The following PTPN13 variants were observed in gnomAD, a reference collection of about 807,000 sequenced individuals.
PTPN13 encodes the protein protein tyrosine phosphatase non-receptor type 13, also known as tyrosine-protein phosphatase non-receptor type 13.
In PTPN13, 191 loss-of-function variants were observed where a neutral mutation model predicts 284.0. The ratio of observed to expected loss-of-function variants is 0.67; its 90% confidence interval spans 0.60 to 0.76. PTPN13 has a LOEUF of 0.76. PTPN13 is among the 30% of genes least tolerant of loss of function. The pLI, the probability that PTPN13 is intolerant of heterozygous loss-of-function variation, is 0.00. For synonymous variants in PTPN13, 986 were observed against 1,022.3 expected, an observed-to-expected ratio of 0.96 and a Z score of 0.68; for missense variants, 2,797 against 2,939.9, an observed-to-expected ratio of 0.95 and a Z score of 1.12.
chr4:86,721,556 A>G (rs1172866151), intron 9 of PTPN13, among the ~76,000 whole-genome samples: 1 of 152,090 alleles, frequency 6.6e-6, no homozygotes, highest in Non-Finnish European at 1.5e-5. Flanking sequence ...TCTGTTTTAT[A>G]TAGGTAGTAT....
At chr4:86,805,465 C>A (rs1381997599) in intron 44 of PTPN13, 96 bp downstream of exon 44, 3 of 569,768 alleles carry the variant, frequency 5.3e-6, no homozygotes, top group Admixed American at 3.7e-5. Flanking sequence ...CTCACATAAC[C>A]GTGTGCATGT....
At chr4:86,614,815 A>G (rs899750694) in intron 1 of PTPN13, among the ~76,000 whole-genome samples, 3 of 152,154 alleles carry the variant, frequency 2.0e-5, no homozygotes, top group Admixed American at 6.5e-5. Context: ...TTTAGGTTTA[A>G]GAAAGCTGAA....
At chr4:86,706,380 C>T (rs1157170229) in intron 7 of PTPN13, among the ~76,000 whole-genome samples, 1 of 152,006 alleles carries the variant, frequency 6.6e-6, no homozygotes, top group Non-Finnish European at 1.5e-5. Flanking sequence ...CTTCCAAGTC[C>T]CTTAAGTCTC....
chr4:86,701,926 A>G (rs1684411395), intron 7 of PTPN13, 125 bp downstream of exon 7: 3 of 882,624 alleles, frequency 3.4e-6, no homozygotes, highest in Non-Finnish European at 5.0e-6. Context: ...TACCCTGGTT[A>G]GTCTCTTACT....
intron 20 of PTPN13, among the ~76,000 whole-genome samples, chr4:86,756,109 A>T (rs1399043441): frequency 6.6e-6 from 1 of 151,874 alleles, no homozygotes; most frequent in Non-Finnish European, 1.5e-5. Flanking sequence ...TGGGTTATTA[A>T]ATCTGAAACT....
intron 43 of PTPN13, among the ~76,000 whole-genome samples, chr4:86,804,086 T>G (rs1744381388): frequency 6.6e-6 from 1 of 151,858 alleles, no homozygotes; most frequent in Non-Finnish European, 1.5e-5. Flanking sequence ...TCCCTGAAGA[T>G]TATCCTTCCT....
Position 86,803,813 on chromosome 4 carries a change from C to G in PTPN13, c.6610C>G (p.Leu2204Val). 1.2e-6 allele frequency: 2 copies of G among 1,613,854 alleles called. No homozygotes were observed. The highest frequency in any genetic ancestry group is 1.7e-6 in the Non-Finnish European group (2 of 1,179,828). Residue 2204 changes from leucine (L) to valine (V), a missense_variant, in exon 43 of 48, where the codon CTG becomes GTG. Coordinates refer to ENST00000411767, the MANE Select transcript of PTPN13 (RefSeq NM_080683.3). The stretch of plus-strand genomic sequence containing the variant: ...CAACTTAAAATCAGTCATTCGAGTC[C>G]TGCGGGGTTTGCTAGATCAAGGAAT... ...GANLKSVIRV[L>V]RGLLDQGIPS...
intron 2 of PTPN13, among the ~76,000 whole-genome samples, chr4:86,641,808 C>A (rs1050461938): frequency 1.2e-4 from 19 of 152,136 alleles, no homozygotes; most frequent in African/African-American, 4.3e-4. Flanking sequence ...TTCTTGTGAT[C>A]TTACACATGA....
At chr4:86,640,213 A>G (rs181651971) in intron 2 of PTPN13, among the ~76,000 whole-genome samples, 1 of 152,336 alleles carries the variant, frequency 6.6e-6, no homozygotes. Flanking sequence ...ATTAATTTAA[A>G]GAAAATTTAT....
At chr4:86,703,686 G>A (rs919352871) in intron 7 of PTPN13, among the ~76,000 whole-genome samples, 4 of 151,990 alleles carry the variant, frequency 2.6e-5, no homozygotes, top group Admixed American at 6.6e-5. Flanking sequence ...GGGCAATATA[G>A]CAAGACCTCA....
At position 86,722,292 on chromosome 4, in the gene PTPN13, A is replaced by C. The variant is rs372370091; in HGVS notation, c.1466A>C (p.Gln489Pro). 3 of 1,613,806 alleles carry C rather than the reference A, an allele frequency of 1.9e-6. No individual in the cohort carries two copies. Among genetic ancestry groups the C allele is most frequent in the East Asian group, 2.2e-5 (1 of 44,864 alleles). ...MLKRQEEELM[Q>P]LQAKMALRQS... ...AAACGGCAAGAGGAAGAACTGATGC[A>C]GCTACAAGCCAAAATGGCCCTTAGA... is the stretch of plus-strand genomic sequence containing the variant. Residue 489 changes from glutamine (Q) to proline (P), a missense_variant, in exon 10 of 48, where the codon CAG becomes CCG. Transcript: ENST00000411767.
chr4:86,673,819 T>G (rs557801410), intron 3 of PTPN13, among the ~76,000 whole-genome samples: 10 of 152,102 alleles, frequency 6.6e-5, no homozygotes, highest in African/African-American at 2.4e-4. Flanking sequence ...GCAATTCTCC[T>G]GCCTCAGACT....
chr4:86,764,640 T>G lies in PTPN13; in HGVS notation c.4065T>G (p.Thr1355=). The G allele has an allele frequency of 6.3e-7, 1 of 1,580,206 alleles. No individual in the cohort carries two copies. The highest frequency in any genetic ancestry group is 8.6e-7 in the Non-Finnish European group (1 of 1,163,380). ...CATCCAACAAGATGAATTTTAAAAC[T>G]TTTTCTTCATCACCTCCTAAGCCTG... ...VNTSNKMNFK[T]FSSSPPKPGD... The change falls in exon 25 of 48, where the codon ACT becomes ACG. Residue 1355 remains threonine (T), a synonymous_variant. Transcript: ENST00000411767.
intron 18 of PTPN13, 69 bp downstream of exon 18, chr4:86,750,956 T>C: frequency 6.4e-7 from 1 of 1,564,424 alleles, no homozygotes; most frequent in Non-Finnish European, 8.7e-7. Context: ...CTTTTTGTTA[T>C]GACATTTTAT....
At chr4:86,625,861 T>G (rs1012260952) in intron 1 of PTPN13, among the ~76,000 whole-genome samples, 1 of 152,220 alleles carries the variant, frequency 6.6e-6, no homozygotes, top group African/African-American at 2.4e-5. Flanking sequence ...AGGACAAATA[T>G]GAATTTTTAC....
chr4:86,604,175 C>T (rs1764552738), intron 1 of PTPN13, among the ~76,000 whole-genome samples: 1 of 151,880 alleles, frequency 6.6e-6, no homozygotes, highest in African/African-American at 2.4e-5. Flanking sequence ...GGGTAGTCCT[C>T]GGTTTGAGTT....
Position 86,701,226 on chromosome 4 carries a change from T to A in PTPN13, c.635-15T>A, listed in dbSNP as rs146770457. 2.6e-4 allele frequency: 392 copies of A among 1,517,140 alleles called. 3 individuals carry two copies. The African/African-American group carries it at 5.1e-3, about 20-fold the overall frequency. 94.0% of individuals were successfully genotyped at this position (1,517,140 alleles called of 1,614,324 possible). Reference sequence around the variant, plus strand: ...AAAAATTGTGTGCATACATGATAGATTCTTATCATTCCAGGAAGAAGCTCT... The same window carrying A: ...AAAAATTGTGTGCATACATGATAGAATCTTATCATTCCAGGAAGAAGCTCT... On this transcript the variant is annotated splice_polypyrimidine_tract_variant and intron_variant, in intron 6 of 47. Coordinates refer to ENST00000411767, the MANE Select transcript of PTPN13 (RefSeq NM_080683.3).
intron 1 of PTPN13, among the ~76,000 whole-genome samples, chr4:86,616,049 G>A (rs139125146): frequency 1.3e-5 from 2 of 152,192 alleles, no homozygotes; most frequent in African/African-American, 2.4e-5. Flanking sequence ...TTATGTGACT[G>A]TAAGACTGAG....
intron 36 of PTPN13, among the ~76,000 whole-genome samples, chr4:86,781,955 C>G (rs1173279619): frequency 6.8e-6 from 1 of 146,352 alleles, no homozygotes; most frequent in African/African-American, 2.6e-5. Context: ...GAGCATGACT[C>G]TGTCGAAAAA....
Sources: allele counts gnomAD v4.1 joint callset (sites outside exome capture counted in the v4.1 genomes callset), GRCh38; gene constraint gnomAD v4.1.1; transcripts MANE v1.5; gene names NCBI Gene and HGNC (gene_info 2026-07-23, HGNC 2026-07-21).